AP3B2: variants seen among roughly 807,000 people sequenced by gnomAD.
AP3B2 encodes adaptor related protein complex 3 subunit beta 2.
AP3B2 carries 50 observed loss-of-function variants against 126.9 expected under a neutral mutation model. The ratio of observed to expected loss-of-function variants is 0.39; its 90% CI spans 0.31 to 0.50. The LOEUF (loss-of-function observed/expected upper bound fraction) is 0.50. Among genes scored for constraint, AP3B2 ranks in the 20% least tolerant of loss-of-function variants. The probability of loss-of-function intolerance (pLI) is 0.79; values close to 1 mark genes in which losing one functional copy is unlikely to be tolerated. For synonymous variants in AP3B2, 541 were observed against 565.0 expected, an observed-to-expected ratio of 0.96 and a Z score of 0.60; for missense variants, 1,177 against 1,426.4, an observed-to-expected ratio of 0.83 and a Z score of 2.82.
In AP3B2 at chr15:82,660,058, C is replaced by T. The variant is rs182216525; in HGVS notation, c.3017-75G>A. The T allele has an allele frequency of 3.7e-4, 570 of 1,532,794 alleles. 3 individuals are homozygous for T. Among genetic ancestry groups the T allele is most frequent in the Middle Eastern group, 3.6e-3 (17 of 4,720 alleles). The allele number at this position is 1,532,794 out of a possible 1,614,324, so 94.9% of individuals were successfully genotyped here. ...CCAGCACCTGGGTCTGCTTACTGAGCAACAAGTTCTCCCAGGCTGGGAAGG... is the reference window on the plus strand; with the variant it reads ...CCAGCACCTGGGTCTGCTTACTGAGTAACAAGTTCTCCCAGGCTGGGAAGG... On this transcript the variant is annotated intron_variant, in intron 25 of 26. Transcript: ENST00000535359.
chr15:82,667,601 A>T (rs1284058759), intron 14 of AP3B2, among the ~76,000 whole-genome samples: 1 of 152,186 alleles, frequency 6.6e-6, no homozygotes, highest in Non-Finnish European at 1.5e-5. Flanking sequence ...TTCTGCCATG[A>T]TCTTGGCCTA....
rs565297812 is a variant in AP3B2 at position 82,691,989 on chromosome 15, C to T, written c.114-2536G>A. On this transcript the variant is annotated intron_variant, in intron 1 of 26. Transcript: ENST00000535359. ...ACATCGGCATAACAGACATCCCCAA[C>T]TTCTCGCATGTGATCCTTCAGGTCC... 8 of 1,452,284 alleles carry T rather than the reference C, an allele frequency of 5.5e-6. No homozygotes were observed. In the South Asian group the frequency reaches 8.2e-5, roughly 15 times the overall value. 90.0% of individuals were successfully genotyped at this position (1,452,284 alleles called of 1,614,324 possible).
At chr15:82,700,396 G>GTTTTTTTTTTTTTTTTTTTTT (rs1567275643) in intron 1 of AP3B2, among the ~76,000 whole-genome samples, 7 of 11,258 alleles carry the variant, frequency 6.2e-4, no homozygotes, top group Admixed American at 1.2e-3. Context: ...GTGGTGGGTG[G>GTTTTTTTTTTTTTTTTTTTTT]CTTTTTTTTT....
Position 82,659,665 on chromosome 15 carries a change from G to C in AP3B2, c.3201C>G (p.Thr1067=). The C allele has an allele frequency of 6.2e-7, 1 of 1,613,892 alleles. No individual in the cohort carries two copies. Among genetic ancestry groups the C allele is most frequent in the Admixed American group, 1.7e-5 (1 of 60,008 alleles). The change falls in exon 27 of 27, where the codon ACC becomes ACG. Residue 1067 remains threonine (T), a synonymous_variant. Coordinates refer to ENST00000535359, the MANE Select transcript of AP3B2 (RefSeq NM_001278512.2). ...TLTGGSLVLL[T]LDARPAGAAQ... ...CAGCTCCAGCTGGCCGGGCATCCAGGGTCAGCAGAACGAGGCTTCCACCAG... is the reference window on the plus strand; with the variant it reads ...CAGCTCCAGCTGGCCGGGCATCCAGCGTCAGCAGAACGAGGCTTCCACCAG...
Position 82,708,525 on chromosome 15 carries a change from A to G in AP3B2, c.113+1069T>C, listed in dbSNP as rs1356196555. On this transcript the variant is annotated intron_variant, in intron 1 of 26. Transcript: ENST00000535359. ...TGCCTCTCCCCTGGTCTAGGCCACA[A>G]TCATGCCAGGCCTGTGAACTTCAAG... Among the ~76,000 whole-genome samples, 7 of 151,940 alleles carry G rather than the reference A, an allele frequency of 4.6e-5. No homozygotes were observed. In the South Asian group the frequency reaches 1.3e-3, roughly 27 times the overall value.
At chr15:82,661,222 A>G (rs1050550076) in intron 25 of AP3B2, among the ~76,000 whole-genome samples, 1 of 152,114 alleles carries the variant, frequency 6.6e-6, no homozygotes, top group Non-Finnish European at 1.5e-5. Context: ...TACCACCTCT[A>G]TGTTCATGAC....
intron 4 of AP3B2, among the ~76,000 whole-genome samples, chr15:82,682,702 C>G (rs533782886): frequency 6.7e-6 from 1 of 148,458 alleles, no homozygotes; most frequent in South Asian, 2.1e-4. Context: ...GACTGAGCAA[C>G]AGAGTGAGAT....
intron 12 of AP3B2, 42 bp from the exon 13 acceptor site, chr15:82,677,425 A>G: frequency 6.4e-7 from 1 of 1,563,632 alleles, no homozygotes; most frequent in Non-Finnish European, 8.8e-7. Flanking sequence ...AGACAGTCAG[A>G]TGGCCACACT....
chr15:82,679,715 T>C lies in AP3B2; in HGVS notation c.1182+14A>G, dbSNP rs1279255752. 1.9e-6 allele frequency: 3 copies of C among 1,611,322 alleles called. No homozygotes were observed. In the East Asian group the frequency reaches 6.7e-5, roughly 36 times the overall value. On this transcript the variant is annotated intron_variant, in intron 10 of 26. Coordinates refer to ENST00000535359, the MANE Select transcript of AP3B2 (RefSeq NM_001278512.2). ...GAGGGCTGGGAAGCACATGCACTTCTGTCCCTCACTCACCTTCAGGATCTT... is the reference window on the plus strand; with the variant it reads ...GAGGGCTGGGAAGCACATGCACTTCCGTCCCTCACTCACCTTCAGGATCTT...
Position 82,659,862 on chromosome 15 carries a change from C to T in AP3B2, c.3138G>A (p.Gly1046=), listed in dbSNP as rs192273476. The change falls in exon 26 of 27, where the codon GGG becomes GGA. Residue 1046 remains glycine, a synonymous_variant. Transcript: ENST00000535359. ...ATANLGRVPC[G]TSDEYRFAGR... ...CCTAGTACCTGTACTCATCAGATGTCCCACAAGGAACACGACCCAGGTTGG... is the reference window on the plus strand; with the variant it reads ...CCTAGTACCTGTACTCATCAGATGTTCCACAAGGAACACGACCCAGGTTGG... 1,609 of 1,613,962 alleles carry T rather than the reference C, an allele frequency of 1.0e-3. 2 individuals carry two copies. The highest frequency in any genetic ancestry group is 1.3e-3 in the Non-Finnish European group (1,548 of 1,179,870).
At chr15:82,671,999 A>C (rs1486373502) in intron 14 of AP3B2, among the ~76,000 whole-genome samples, 2 of 152,162 alleles carry the variant, frequency 1.3e-5, no homozygotes, top group Non-Finnish European at 2.9e-5. Context: ...AGCTGAGATC[A>C]TGCCATTGCA....
intron 1 of AP3B2, 36 bp downstream of exon 1, chr15:82,709,558 C>T: frequency 6.9e-7 from 1 of 1,457,514 alleles, no homozygotes; most frequent in Non-Finnish European, 9.1e-7. Flanking sequence ...TCCCCGGCCC[C>T]AACCCTCCCG....
chr15:82,676,521 A>G lies in AP3B2; in HGVS notation c.1605T>C (p.Asp535=), dbSNP rs756711154. Residue 535 remains aspartate, a synonymous_variant, in exon 14 of 27, where the codon GAT becomes GAC. Transcript: ENST00000535359. ...KMAKSFTAEE[D]IVKLQVINLA... is the part of the protein sequence containing the mutation. ...GGTTGATGACCTGCAGCTTGACAATATCCTCCTCTGCTGTGAATGACTTGG... is the reference window on the plus strand; with the variant it reads ...GGTTGATGACCTGCAGCTTGACAATGTCCTCCTCTGCTGTGAATGACTTGG... 1.8e-5 allele frequency: 29 copies of G among 1,613,822 alleles called. No individual in the cohort carries two copies. The highest frequency in any genetic ancestry group is 2.0e-5 in the Non-Finnish European group (24 of 1,179,896).
chr15:82,702,825 CCT>C (rs564944881), intron 1 of AP3B2, among the ~76,000 whole-genome samples: 330 of 152,242 alleles, frequency 2.2e-3, no homozygotes, highest in African/African-American at 7.8e-3. Context: ...AGATCAATCC[CCT>C]GTCCTCCTGC....
intron 1 of AP3B2, among the ~76,000 whole-genome samples, chr15:82,708,468 G>A (rs1016226011): frequency 6.6e-6 from 1 of 151,604 alleles, no homozygotes; most frequent in African/African-American, 2.4e-5. Context: ...TCAGGTCTGA[G>A]GCTTCCACCT....
intron 1 of AP3B2, among the ~76,000 whole-genome samples, chr15:82,690,450 G>A (rs759757202): frequency 6.0e-5 from 9 of 150,592 alleles, no homozygotes; most frequent in South Asian, 2.1e-4. Flanking sequence ...TCCCCACCCC[G>A]TGTTCAAGTG....
intron 14 of AP3B2, among the ~76,000 whole-genome samples, chr15:82,669,259 T>C (rs2048109415): frequency 6.6e-6 from 1 of 152,228 alleles, no homozygotes; most frequent in Non-Finnish European, 1.5e-5. Flanking sequence ...AAATAAAGGG[T>C]ATCCAAATTG....
At chr15:82,666,965 C>CAA (rs1567258350) in intron 14 of AP3B2, 32 bp from the exon 15 acceptor site, 1 of 1,591,712 alleles carries the variant, frequency 6.3e-7, no homozygotes, top group South Asian at 1.1e-5. Context: ...GGTCAGCTGA[C>CAA]GGGGGGATGG....
At chr15:82,690,986 CAT>C (rs1249421829) in intron 1 of AP3B2, among the ~76,000 whole-genome samples, 4 of 105,716 alleles carry the variant, frequency 3.8e-5, no homozygotes, top group African/African-American at 1.3e-4. Context: ...AGCCATGCCA[CAT>C]GTTCTTAATC....
Sources: allele counts gnomAD v4.1 joint callset (sites outside exome capture counted in the v4.1 genomes callset), GRCh38; gene constraint gnomAD v4.1.1; transcripts MANE v1.5; gene names NCBI Gene and HGNC (gene_info 2026-07-23, HGNC 2026-07-21).